Variants in DMD observed in about 807,000 individuals in gnomAD.
The protein encoded by DMD is dystrophin, also known as mutant dystrophin.
In DMD, 63 loss-of-function variants were observed where a neutral mutation model predicts 330.1. That is an observed-to-expected ratio of 0.19 (90% CI 0.16 to 0.24). The LOEUF is 0.24. DMD is among the 10% of genes least tolerant of loss of function. The pLI is 1.00. For missense variants in DMD, 3,344 were observed against 2,684.1 expected, an observed-to-expected ratio of 1.25 and a Z score of -5.43; for synonymous variants, 1,223 against 959.8, an observed-to-expected ratio of 1.27 and a Z score of -5.07.
At chrX:31,375,197 T>C (rs1416900633) in intron 60 of DMD, among the ~76,000 whole-genome samples, 1 of 112,073 alleles carries the variant, frequency 8.9e-6, no homozygotes, top group Non-Finnish European at 1.9e-5. Flanking sequence ...CATAAATGGG[T>C]TAAAGTCTTC....
At chrX:32,885,822 A>AGGGG (rs1230501295) in intron 2 of DMD, among the ~76,000 whole-genome samples, 1 of 43,109 alleles carries the variant, frequency 2.3e-5, no homozygotes, top group African/African-American at 8.3e-5. Context: ...GTTTCCCTTG[A>AGGGG]GGGGGAAAAA....
At chrX:33,142,544 C>T (rs376908339) in intron 1 of DMD, among the ~76,000 whole-genome samples, 7 of 111,940 alleles carry the variant, frequency 6.3e-5, no homozygotes, top group East Asian at 2.8e-4. Context: ...TTTTTAATTG[C>T]GTAATTGACT....
intron 26 of DMD, among the ~76,000 whole-genome samples, chrX:32,453,054 T>G (rs2098340695): frequency 9.0e-6 from 1 of 111,274 alleles, no homozygotes; most frequent in Non-Finnish European, 1.9e-5. Context: ...ATAAGTCAAG[T>G]TTTTCTAAAA....
intron 13 of DMD, among the ~76,000 whole-genome samples, chrX:32,579,263 G>A (rs1336946262): frequency 8.9e-6 from 1 of 111,947 alleles, no homozygotes; most frequent in Non-Finnish European, 1.9e-5. Context: ...ACAACTACTG[G>A]AAGTTTTTTC....
intron 2 of DMD, among the ~76,000 whole-genome samples, chrX:32,880,230 TCAG>T (rs1168299891): frequency 1.1e-5 from 1 of 94,811 alleles, no homozygotes; most frequent in Non-Finnish European, 2.0e-5. Context: ...TTCATACTCC[TCAG>T]CATTTTTTTT....
intron 13 of DMD, among the ~76,000 whole-genome samples, chrX:32,576,723 TGAGGGAGG>T (rs202042367): frequency 1.8e-4 from 11 of 62,410 alleles, no homozygotes; most frequent in African/African-American, 4.0e-4. Flanking sequence ...AAACCATGGA[TGAGGGAGG>T]GAGGGAGGGA....
intron 1 of DMD, among the ~76,000 whole-genome samples, chrX:33,143,729 C>A (rs2047903131): frequency 9.0e-6 from 1 of 111,552 alleles, no homozygotes; most frequent in Non-Finnish European, 1.9e-5. Context: ...CTATTTACAG[C>A]CTCTTTGAAA....
intron 74 of DMD, among the ~76,000 whole-genome samples, chrX:31,165,222 CAAT>C (rs778138448): frequency 1.2e-4 from 13 of 111,739 alleles, no homozygotes; most frequent in Admixed American, 2.8e-4. Context: ...TTGACTGTAA[CAAT>C]AATAATCTTG....
At chrX:32,612,286 C>A (rs1350681862) in intron 12 of DMD, among the ~76,000 whole-genome samples, 3 of 111,214 alleles carry the variant, frequency 2.7e-5, no homozygotes, top group African/African-American at 9.8e-5. Context: ...GGCACTAATT[C>A]CACTTCCTGT....
intron 54 of DMD, among the ~76,000 whole-genome samples, chrX:31,635,982 CTG>C (rs200777233): frequency 0.02 from 2,289 of 112,073 alleles, 66 homozygotes; most frequent in African/African-American, 0.07. Flanking sequence ...TGCTTATAAA[CTG>C]TTGGTTATAG....
At chrX:33,065,582 C>T (rs1160012073) in intron 1 of DMD, among the ~76,000 whole-genome samples, 2 of 97,685 alleles carry the variant, frequency 2.0e-5, no homozygotes, top group Non-Finnish European at 4.1e-5. Flanking sequence ...GATTATAAGC[C>T]GGTCTCACAA....
At chrX:33,059,029 C>A (rs2148061430) in intron 1 of DMD, among the ~76,000 whole-genome samples, 1 of 111,911 alleles carries the variant, frequency 8.9e-6, no homozygotes, top group East Asian at 2.8e-4. Context: ...CTTTTCTTTT[C>A]ACTGTTATTA....
intron 37 of DMD, among the ~76,000 whole-genome samples, chrX:32,352,858 T>A (rs1334266867): frequency 9.0e-6 from 1 of 110,535 alleles, no homozygotes; most frequent in Non-Finnish European, 1.9e-5. Flanking sequence ...GTTGCACTGC[T>A]TTCTTATAGA....
At chrX:32,591,423 C>T (rs757014568) in intron 13 of DMD, among the ~76,000 whole-genome samples, 1 of 112,001 alleles carries the variant, frequency 8.9e-6, no homozygotes, top group Admixed American at 9.5e-5. Flanking sequence ...ATGGGCTTAA[C>T]CATGTTTCTC....
intron 18 of DMD, among the ~76,000 whole-genome samples, chrX:32,504,236 G>A (rs1208117608): frequency 8.9e-6 from 1 of 111,836 alleles, no homozygotes; most frequent in African/African-American, 3.3e-5. Context: ...CAACTTCATT[G>A]GAAGTTTATA....
chrX:33,162,472 G>T (rs2048815097), intron 1 of DMD, among the ~76,000 whole-genome samples: 1 of 111,569 alleles, frequency 9.0e-6, no homozygotes, highest in Admixed American at 9.6e-5. Flanking sequence ...ACACTAGGAT[G>T]ATAGCACTTA....
At chrX:32,215,720 C>A (rs1432242890) in intron 44 of DMD, among the ~76,000 whole-genome samples, 1 of 111,454 alleles carries the variant, frequency 9.0e-6, no homozygotes, top group African/African-American at 3.3e-5. Context: ...GCCTCTCAGG[C>A]AGAAACCCCA....
At chrX:31,959,471 C>T (rs2095278969) in intron 45 of DMD, among the ~76,000 whole-genome samples, 1 of 111,825 alleles carries the variant, frequency 8.9e-6, no homozygotes, top group Non-Finnish European at 1.9e-5. Flanking sequence ...CATCTTCAAA[C>T]ATTTTATTTT....
chrX:32,465,582 GTT>G (rs1191063866), intron 23 of DMD, among the ~76,000 whole-genome samples: 1 of 76,666 alleles, frequency 1.3e-5, no homozygotes, highest in Non-Finnish European at 2.4e-5. Context: ...TTTGTTTTTT[GTT>G]TTTTTTTTTT....
Sources: allele counts gnomAD v4.1 joint callset (sites outside exome capture counted in the v4.1 genomes callset), GRCh38; gene constraint gnomAD v4.1.1; transcripts MANE v1.5; gene names NCBI Gene and HGNC (gene_info 2026-07-23, HGNC 2026-07-21).